IL19: variants seen among roughly 807,000 people sequenced by gnomAD.
IL19 encodes the protein interleukin 19, also known as interleukin-19.
In IL19, 15 loss-of-function variants were observed where a neutral mutation model predicts 19.5. The ratio of observed to expected loss-of-function variants is 0.77; its 90% CI spans 0.52 to 1.19. IL19 has a LOEUF of 1.19. IL19 is among the 50% of genes most tolerant of loss of function. The pLI is 0.00. For missense variants in IL19, 199 were observed against 213.1 expected (o/e 0.93, Z 0.41); for synonymous variants, 78 against 78.3 (o/e 1.00, Z 0.02).
chr1:206,802,141 A>C (rs1354195995), intron 2 of IL19, among the ~76,000 whole-genome samples: 1 of 152,204 alleles, frequency 6.6e-6, no homozygotes, highest in Non-Finnish European at 1.5e-5. Context: ...ATGTATTGGC[A>C]CTGATCCATA....
chr1:206,813,034 TG>T (rs1314231660), intron 2 of IL19, among the ~76,000 whole-genome samples: 2 of 152,182 alleles, frequency 1.3e-5, no homozygotes, highest in African/African-American at 4.8e-5. Flanking sequence ...TGCATTTTGT[TG>T]GGAGGAAATG....
At chr1:206,834,692 T>C (rs529753465) in intron 2 of IL19, among the ~76,000 whole-genome samples, 1 of 152,260 alleles carries the variant, frequency 6.6e-6, no homozygotes, top group Non-Finnish European at 1.5e-5. Flanking sequence ...TTGGGCACTT[T>C]ATAATGTGTT....
chr1:206,824,890 G>A (rs1676391267), intron 2 of IL19, among the ~76,000 whole-genome samples: 1 of 152,166 alleles, frequency 6.6e-6, no homozygotes. Context: ...AGCCTCCTGG[G>A]ATTACAGGCG....
Position 206,841,086 on chromosome 1 carries a change from C to G in IL19, c.438+8C>G. 6.2e-7 allele frequency: 1 copy of G among 1,612,274 alleles called. No individual in the cohort carries two copies. Among genetic ancestry groups the G allele is most frequent in the Non-Finnish European group, 8.5e-7 (1 of 1,178,300 alleles). On this transcript the variant is annotated splice_region_variant and intron_variant, in intron 6 of 6. Transcript: ENST00000659997. ...CATGACAACTATGATCAGGTAAGAT[C>G]TGGGAAGAGGTTGGGGAAGATGGAA...
intron 2 of IL19, among the ~76,000 whole-genome samples, chr1:206,805,810 T>G (rs745951813): frequency 7.9e-5 from 12 of 152,256 alleles, no homozygotes; most frequent in South Asian, 2.1e-4. Context: ...AATCTTATTT[T>G]AAAAACTGAA....
At chr1:206,777,877 C>G (rs1038722207) in intron 1 of IL19, among the ~76,000 whole-genome samples, 2 of 152,238 alleles carry the variant, frequency 1.3e-5, no homozygotes, top group African/African-American at 2.4e-5. Flanking sequence ...TAAGCTTCCT[C>G]AGCTCCTAGG....
intron 4 of IL19, among the ~76,000 whole-genome samples, chr1:206,837,674 C>A (rs2243196): frequency 0.014 from 2,162 of 152,116 alleles, 23 homozygotes; most frequent in Non-Finnish European, 0.023. Flanking sequence ...CATAGCATGA[C>A]CTCGTCTCTA....
chr1:206,815,325 A>G (rs1386859010), intron 2 of IL19, among the ~76,000 whole-genome samples: 2 of 152,228 alleles, frequency 1.3e-5, no homozygotes, highest in African/African-American at 2.4e-5. Flanking sequence ...ATTCGAGGGC[A>G]GGAGATATAG....
chr1:206,801,577 C>A (rs184279873), intron 2 of IL19, among the ~76,000 whole-genome samples: 142 of 152,340 alleles, frequency 9.3e-4, no homozygotes, highest in East Asian at 3.7e-3. Context: ...TCAAGCATCA[C>A]TTATCCTTCC....
rs531797564 is a variant in IL19 at position 206,806,696 on chromosome 1, C to T, written c.-3+7690C>T. 2.7e-4 allele frequency among the ~76,000 whole-genome samples: 41 copies of T among 152,296 alleles called. No individual in the cohort carries two copies. In the South Asian group the frequency reaches 8.3e-3, roughly 31 times the overall value. ...ATTATCACCCAGTCCTATCATTCTACCTCTGAAATATATTACGATTTGGTC... is the reference window on the plus strand; with the variant it reads ...ATTATCACCCAGTCCTATCATTCTATCTCTGAAATATATTACGATTTGGTC... On this transcript the variant is annotated intron_variant, in intron 2 of 6. Coordinates refer to ENST00000659997, the MANE Select transcript of IL19 (RefSeq NM_153758.5).
intron 2 of IL19, among the ~76,000 whole-genome samples, chr1:206,803,857 A>G (rs543313480): frequency 3.5e-4 from 54 of 152,184 alleles, no homozygotes; most frequent in African/African-American, 1.2e-3. Flanking sequence ...ACAAAATTCA[A>G]CTCTCAGGGA....
chr1:206,827,422 G>T (rs1676463990), intron 2 of IL19, among the ~76,000 whole-genome samples: 1 of 152,130 alleles, frequency 6.6e-6, no homozygotes, highest in Admixed American at 6.5e-5. Flanking sequence ...CGGGCACGGT[G>T]GCTCACGCCT....
At chr1:206,824,889 G>A (rs1429032018) in intron 2 of IL19, among the ~76,000 whole-genome samples, 3 of 152,046 alleles carry the variant, frequency 2.0e-5, no homozygotes, top group Non-Finnish European at 4.4e-5. Context: ...TAGCCTCCTG[G>A]GATTACAGGC....
At chr1:206,791,280 G>A (rs1195553957) in intron 1 of IL19, among the ~76,000 whole-genome samples, 1 of 151,316 alleles carries the variant, frequency 6.6e-6, no homozygotes, top group Non-Finnish European at 1.5e-5. Flanking sequence ...CTGCTGCTGG[G>A]TATGACCAGG....
rs76533753 is a variant in IL19 at position 206,800,244 on chromosome 1, A to C, written c.-3+1238A>C. On this transcript the variant is annotated intron_variant, in intron 2 of 6. Transcript: ENST00000659997. ...AGCTTCCAGTGTAGTGGTGAAGACCATCAATCAGTCAACACCGTTTCCTCT... is the reference window on the plus strand; with the variant it reads ...AGCTTCCAGTGTAGTGGTGAAGACCCTCAATCAGTCAACACCGTTTCCTCT... 5.9e-5 allele frequency among the ~76,000 whole-genome samples: 9 copies of C among 152,366 alleles called. No homozygotes were observed. In the East Asian group the frequency reaches 1.4e-3, roughly 23 times the overall value.
chr1:206,814,690 T>TCTCACACACACACACA (rs150151755), intron 2 of IL19, among the ~76,000 whole-genome samples: 18 of 140,470 alleles, frequency 1.3e-4, no homozygotes, highest in African/African-American at 5.0e-4. Context: ...TGAAACTCTG[T>TCTCACACACACACACA]CACACACACA....
At chr1:206,817,432 A>G (rs567925776) in intron 2 of IL19, among the ~76,000 whole-genome samples, 1 of 152,292 alleles carries the variant, frequency 6.6e-6, no homozygotes, top group African/African-American at 2.4e-5. Context: ...CAAAAACTCA[A>G]TGTCATTATA....
chr1:206,795,925 A>ATT (rs1316791210), intron 1 of IL19, among the ~76,000 whole-genome samples: 1 of 132,244 alleles, frequency 7.6e-6, no homozygotes, highest in African/African-American at 2.9e-5. Context: ...ATAAATATAT[A>ATT]TATGTGTGTG....
chr1:206,820,448 A>G (rs947881017), intron 2 of IL19, among the ~76,000 whole-genome samples: 1 of 152,204 alleles, frequency 6.6e-6, no homozygotes, highest in Non-Finnish European at 1.5e-5. Context: ...TGACTTCCAG[A>G]TGTTAGCCAA....
Sources: allele counts gnomAD v4.1 joint callset (sites outside exome capture counted in the v4.1 genomes callset), GRCh38; gene constraint gnomAD v4.1.1; transcripts MANE v1.5; gene names NCBI Gene and HGNC (gene_info 2026-07-23, HGNC 2026-07-21).